Variants in CEP290 observed in about 807,000 individuals in gnomAD.
CEP290 encodes centrosomal protein of 290 kDa.
In CEP290, 317 loss-of-function variants were observed where a neutral mutation model predicts 344.9. The observed-to-expected ratio is 0.92, with a 90% CI of 0.84 to 1.01. The LOEUF (loss-of-function observed/expected upper bound fraction) is 1.01, where lower values mean the gene tolerates loss of function less well. Ranked by LOEUF, CEP290 falls within the 50% of genes least tolerant of loss-of-function variation. CEP290 has a pLI of 0.00. For missense variants in CEP290, 2,754 were observed against 2,761.4 expected, an observed-to-expected ratio of 1.00 and a Z score of 0.06; for synonymous variants, 932 against 895.8, an observed-to-expected ratio of 1.04 and a Z score of -0.72.
chr12:88,127,670 A>C (rs2039816328), intron 11 of CEP290, among the ~76,000 whole-genome samples: 1 of 152,226 alleles, frequency 6.6e-6, no homozygotes, highest in African/African-American at 2.4e-5. Context: ...AAAAAGTGAC[A>C]AACTGTTAGA....
At chr12:88,099,528 A>AT (rs566358545) in intron 26 of CEP290, among the ~76,000 whole-genome samples, 6 of 152,280 alleles carry the variant, frequency 3.9e-5, no homozygotes, top group Non-Finnish European at 8.8e-5. Context: ...GATTTCAGTG[A>AT]TAAATAAATT....
chr12:88,060,136 T>C, intron 47 of CEP290, 116 bp from the exon 48 acceptor site: 1 of 937,292 alleles, frequency 1.1e-6, no homozygotes, highest in Non-Finnish European at 1.5e-6. Context: ...TTGATATGAT[T>C]AGAATTAAAG....
chr12:88,139,200 T>C lies in CEP290; in HGVS notation c.251-9A>G. 1 of 1,112,414 alleles carries C rather than the reference T, an allele frequency of 9.0e-7. No individual in the cohort carries two copies. The highest frequency in any genetic ancestry group is 1.2e-6 in the Non-Finnish European group (1 of 802,192). 68.9% of individuals were successfully genotyped at this position (1,112,414 alleles called of 1,614,324 possible). A position where few individuals can be genotyped will look rare whatever the true frequency, so the allele number is the denominator to read the frequency against. ...AGTTTTTAATTGATTTTCTATTTTT[T>C]TAAAAAAAAAGAAAAACGTTTTAAT... On this transcript the variant is annotated splice_polypyrimidine_tract_variant and intron_variant, in intron 4 of 53. Transcript: ENST00000552810.
In CEP290 at chr12:88,054,441, T is replaced by C. The variant is rs945955293; in HGVS notation, c.6961-28A>G. 3 of 1,496,716 alleles carry C rather than the reference T, an allele frequency of 2.0e-6. No individual in the cohort carries two copies. In the African/African-American group the frequency reaches 4.2e-5, roughly 21 times the overall value. 92.7% of individuals were successfully genotyped at this position (1,496,716 alleles called of 1,614,324 possible). A position where few individuals can be genotyped will look rare whatever the true frequency, so the allele number is the denominator to read the frequency against. On this transcript the variant is annotated intron_variant, in intron 50 of 53. Coordinates refer to ENST00000552810, the MANE Select transcript of CEP290 (RefSeq NM_025114.4). ...TTGAGGACAATGAAAAGTTAGAAGA[T>C]AAGGTTTGCCATGGAAATATGAGGA...
chr12:88,120,291 A>G lies in CEP290; in HGVS notation c.1360-15T>C. 1 of 1,215,464 alleles carries G rather than the reference A, an allele frequency of 8.2e-7. No individual in the cohort carries two copies. The highest frequency in any genetic ancestry group is 1.1e-6 in the Non-Finnish European group (1 of 913,492). 75.3% of individuals were successfully genotyped at this position (1,215,464 alleles called of 1,614,324 possible). A position where few individuals can be genotyped will look rare whatever the true frequency, so the allele number is the denominator to read the frequency against. ...CCATATACTCCCTGAAAAATATCCA[A>G]TTTAATTTAAAATATAACATGGTTT... On this transcript the variant is annotated splice_polypyrimidine_tract_variant and intron_variant, in intron 14 of 53. Transcript: ENST00000552810.
intron 6 of CEP290, 121 bp from the exon 7 acceptor site, chr12:88,131,339 C>T (rs991668805): frequency 5.0e-6 from 3 of 599,892 alleles, no homozygotes; most frequent in Admixed American, 4.0e-5. Flanking sequence ...TCTCGGCTCA[C>T]TGCAACCTCT....
chr12:88,086,123 A>G lies in CEP290; in HGVS notation c.4353T>C (p.Asn1451=), dbSNP rs778310122. ...TTTTCCTTAGAGCGATCTCAAGTTG[A>G]TTTGGAAGGGGCAAACTAGGGTCAG... ...SIPDPSLPLP[N]QLEIALRKIK... The change falls in exon 34 of 54, where the codon AAT becomes AAC. Residue 1451 remains asparagine (N), a synonymous_variant. Coordinates refer to ENST00000552810, the MANE Select transcript of CEP290 (RefSeq NM_025114.4). The G allele has an allele frequency of 1.9e-6, 3 of 1,613,166 alleles. No individual in the cohort carries two copies. In the African/African-American group the frequency reaches 4.0e-5, roughly 22 times the overall value.
Position 88,102,908 on chromosome 12 carries a change from G to A in CEP290, c.2921C>T (p.Ala974Val), listed in dbSNP as rs917038129. The change falls in exon 26 of 54, where the codon GCT becomes GTT. Residue 974 changes from alanine to valine, a missense_variant. Ala to Val is a moderately conservative substitution (Grantham distance 64). Coordinates refer to ENST00000552810, the MANE Select transcript of CEP290 (RefSeq NM_025114.4). Reference sequence around the variant, plus strand: ...TTTTTGCAAGATGTCCCTGTACTTAGCAGTCAGTTCATTGTACTGTTTATT... The same window carrying A: ...TTTTTGCAAGATGTCCCTGTACTTAACAGTCAGTTCATTGTACTGTTTATT... ...LANKQYNELT[A>V]KYRDILQKDN... The A allele has an allele frequency of 6.2e-7, 1 of 1,610,358 alleles. No homozygotes were observed. Among genetic ancestry groups the A allele is most frequent in the African/African-American group, 1.3e-5 (1 of 74,720 alleles).
intron 7 of CEP290, 63 bp downstream of exon 7, chr12:88,131,102 A>C: frequency 8.0e-7 from 1 of 1,246,962 alleles, no homozygotes; most frequent in Non-Finnish European, 1.1e-6. Context: ...AATTTATGTA[A>C]ACTTAGGTAC....
At position 88,080,354 on chromosome 12, in the gene CEP290, G is replaced by A. The variant is rs759021726; in HGVS notation, c.5054C>T (p.Ala1685Val). The change falls in exon 38 of 54, where the codon GCG becomes GTG. Residue 1685 changes from alanine (A) to valine (V), a missense_variant. Ala to Val is a moderately conservative substitution (Grantham distance 64). Coordinates refer to ENST00000552810, the MANE Select transcript of CEP290 (RefSeq NM_025114.4). ...NHEDEVKKVKAEVEDLKYLLD... is the reference protein window; with the variant it reads ...NHEDEVKKVKVEVEDLKYLLD... ...AAGATACTTTAAATCCTCTACTTCC[G>A]CTTTTACTTTTTTCACTTCATCTTC... The A allele has an allele frequency of 4.3e-6, 7 of 1,613,182 alleles. No homozygotes were observed. The highest frequency in any genetic ancestry group is 4.0e-5 in the African/African-American group (3 of 75,014).
At chr12:88,086,348 T>TA (rs772882198) in intron 33 of CEP290, 43 bp downstream of exon 33, 3 of 1,511,368 alleles carry the variant, frequency 2.0e-6, no homozygotes, top group Non-Finnish European at 2.7e-6. Context: ...GTTAACACTC[T>TA]AGACTATGCT....
intron 44 of CEP290, among the ~76,000 whole-genome samples, chr12:88,067,410 G>A (rs1387568231): frequency 1.3e-5 from 2 of 152,106 alleles, no homozygotes; most frequent in African/African-American, 4.8e-5. Context: ...AATAAAGGAC[G>A]GCCACGTAGC....
rs772489636 is a variant in CEP290, at chr12:88,102,972, C to T, written c.2857G>A (p.Val953Ile). 1.9e-6 allele frequency: 3 copies of T among 1,579,268 alleles called. No homozygotes were observed. The highest frequency in any genetic ancestry group is 1.7e-4 in the Middle Eastern group (1 of 5,982). ...IFKIAALQKV[V>I]DNSVSLSELE... ...TCAGACAAAGAAACACTATTATCTA[C>T]AACTTTTTGGAGAGCTGCAATCTTG... Residue 953 changes from valine (V) to isoleucine (I), a missense_variant, in exon 26 of 54, where the codon GTA (valine) becomes ATA (isoleucine). Physicochemically the swap from Val to Ile is conservative, Grantham distance 29 (BLOSUM62 3). Coordinates refer to ENST00000552810, the MANE Select transcript of CEP290 (RefSeq NM_025114.4).
intron 26 of CEP290, among the ~76,000 whole-genome samples, chr12:88,099,425 C>T (rs1049766281): frequency 1.3e-5 from 2 of 151,830 alleles, no homozygotes; most frequent in Admixed American, 1.3e-4. Flanking sequence ...AAAAGGCTGG[C>T]GATATAACAT....
At chr12:88,078,599 A>C (rs2035958436) in intron 39 of CEP290, among the ~76,000 whole-genome samples, 1 of 152,138 alleles carries the variant, frequency 6.6e-6, no homozygotes, top group Admixed American at 6.6e-5. Context: ...TGATGGATAC[A>C]TATCATTATA....
intron 23 of CEP290, among the ~76,000 whole-genome samples, chr12:88,108,320 T>C (rs2038437134): frequency 6.6e-6 from 1 of 152,114 alleles, no homozygotes; most frequent in Non-Finnish European, 1.5e-5. Flanking sequence ...CAGAAAAAAA[T>C]GTTTATTTAA....
intron 38 of CEP290, among the ~76,000 whole-genome samples, chr12:88,079,588 A>G (rs2036039242): frequency 6.6e-6 from 1 of 152,188 alleles, no homozygotes; most frequent in Non-Finnish European, 1.5e-5. Context: ...AATTGAATTT[A>G]GGTAGACAAC....
intron 48 of CEP290, among the ~76,000 whole-genome samples, chr12:88,059,601 G>C (rs1041036577): frequency 6.6e-6 from 1 of 152,120 alleles, no homozygotes; most frequent in Non-Finnish European, 1.5e-5. Context: ...TAGAGACGGG[G>C]TTTCACCGTG....
At chr12:88,117,762 T>C (rs773778172) in intron 17 of CEP290, among the ~76,000 whole-genome samples, 18 of 152,192 alleles carry the variant, frequency 1.2e-4, no homozygotes, top group Non-Finnish European at 2.2e-4. Flanking sequence ...AGGCCAGGCA[T>C]GGTGGCTCAC....
Sources: allele counts gnomAD v4.1 joint callset (sites outside exome capture counted in the v4.1 genomes callset), GRCh38; gene constraint gnomAD v4.1.1; transcripts MANE v1.5; gene names NCBI Gene and HGNC (gene_info 2026-07-23, HGNC 2026-07-21).